The following RBFOX3 variants were observed in gnomAD, a reference collection of about 807,000 sequenced individuals.
RBFOX3 encodes RNA binding fox-1 homolog 3, also known as RNA binding protein fox-1 homolog 3.
RBFOX3 carries 17 observed loss-of-function variants against 48.7 expected under a neutral mutation model. The observed-to-expected ratio is 0.35, with a 90% confidence interval of 0.24 to 0.52. RBFOX3 has a LOEUF of 0.52. Ranked by LOEUF, RBFOX3 falls within the 20% of genes least tolerant of loss-of-function variation. RBFOX3 has a pLI of 0.94. For missense variants in RBFOX3, 382 were observed against 497.5 expected (o/e 0.77, Z 2.21); for synonymous variants, 212 against 209.5 (o/e 1.01, Z -0.10).
chr17:79,545,094 G>A (rs1277574471), intron 1 of RBFOX3, among the ~76,000 whole-genome samples: 3 of 152,086 alleles, frequency 2.0e-5, no homozygotes, highest in African/African-American at 7.2e-5. Flanking sequence ...CAGGAAGGGG[G>A]CAGACGGGGC....
intron 4 of RBFOX3, among the ~76,000 whole-genome samples, chr17:79,175,387 G>A (rs1192799796): frequency 6.6e-6 from 1 of 152,232 alleles, no homozygotes; most frequent in Non-Finnish European, 1.5e-5. Context: ...TTCCTCTGGA[G>A]TCCCTGTCAT....
chr17:79,107,971 A>G (rs2077723805), intron 5 of RBFOX3, among the ~76,000 whole-genome samples: 2 of 152,184 alleles, frequency 1.3e-5, no homozygotes, highest in East Asian at 1.9e-4. Context: ...TCAGCTGCCC[A>G]TGGGAACAGC....
At chr17:79,393,674 C>T (rs117443365) in intron 2 of RBFOX3, among the ~76,000 whole-genome samples, 11,419 of 151,942 alleles carry the variant, frequency 0.075, 556 homozygotes, top group Non-Finnish European at 0.11. Flanking sequence ...CTGAGCCTGT[C>T]GCCACACATC....
intron 4 of RBFOX3, chr17:79,183,130 C>T (rs1439337422): frequency 2.0e-5 from 3 of 148,230 alleles, no homozygotes; most frequent in Admixed American, 2.0e-4. Context: ...GCCCCGGCGC[C>T]ATGACGCGGG....
At chr17:79,371,504 G>A (rs1292683439) in intron 2 of RBFOX3, among the ~76,000 whole-genome samples, 1 of 152,118 alleles carries the variant, frequency 6.6e-6, no homozygotes, top group Non-Finnish European at 1.5e-5. Context: ...TCTATCAGGG[G>A]CTTTGGCTCC....
intron 1 of RBFOX3, among the ~76,000 whole-genome samples, chr17:79,538,442 G>C (rs2089197219): frequency 6.6e-6 from 1 of 152,226 alleles, no homozygotes; most frequent in African/African-American, 2.4e-5. Flanking sequence ...GGGCAAGTTT[G>C]GCCTTGCGGG....
At chr17:79,196,381 C>T (rs139177924) in intron 4 of RBFOX3, among the ~76,000 whole-genome samples, 140 of 152,294 alleles carry the variant, frequency 9.2e-4, no homozygotes, top group Non-Finnish European at 1.0e-3. Context: ...GGACTCTGAG[C>T]GAGCAACTAA....
At chr17:79,112,660 G>A (rs1037169773) in intron 5 of RBFOX3, among the ~76,000 whole-genome samples, 1 of 152,100 alleles carries the variant, frequency 6.6e-6, no homozygotes, top group African/African-American at 2.4e-5. Context: ...TGCCGTCTAG[G>A]GGCCGGCTCT....
intron 1 of RBFOX3, among the ~76,000 whole-genome samples, chr17:79,542,725 G>A (rs2089892273): frequency 6.6e-6 from 1 of 152,230 alleles, no homozygotes; most frequent in African/African-American, 2.4e-5. Flanking sequence ...GGAGGCTGCA[G>A]TGAGATGAGA....
rs934577549 is a variant in RBFOX3, at chr17:79,305,640, G to A, written c.-74+2084C>T. On this transcript the variant is annotated intron_variant, in intron 3 of 14. Coordinates refer to ENST00000693108, the MANE Select transcript of RBFOX3 (RefSeq NM_001350451.2). The stretch of plus-strand genomic sequence containing the variant: ...CTTTCTGCCTCTCCTTTGGCCCTGC[G>A]TCTTCCTCCCACACAGCCTGTGTGG... Among the ~76,000 whole-genome samples the A allele has an allele frequency of 4.6e-5, 7 of 152,268 alleles. 1 individual carries two copies. Among genetic ancestry groups the A allele is most frequent in the East Asian group, 1.9e-4 (1 of 5,156 alleles).
At chr17:79,420,151 A>ACACACG (rs1555721449) in intron 2 of RBFOX3, among the ~76,000 whole-genome samples, 1 of 150,858 alleles carries the variant, frequency 6.6e-6, no homozygotes, top group South Asian at 2.1e-4. Flanking sequence ...ACACACACAC[A>ACACACG]CACACACACA....
At position 79,579,672 on chromosome 17, in the gene RBFOX3, A is replaced by G. The variant is rs1184934487; in HGVS notation, c.-320+31154T>C. Among the ~76,000 whole-genome samples, 3 of 151,718 alleles carry G rather than the reference A, an allele frequency of 2.0e-5. No homozygotes were observed. The East Asian group carries it at 5.9e-4, about 30-fold the overall frequency. On this transcript the variant is annotated intron_variant, in intron 1 of 14. Coordinates refer to ENST00000693108, the MANE Select transcript of RBFOX3 (RefSeq NM_001350451.2). ...ATGTGGTCAGGTGGCTCAGGCATCC[A>G]CTGAGACTCGGCACCATGGTGGGGA... is the stretch of plus-strand genomic sequence containing the variant.
rs71387924 is a variant in RBFOX3 at position 79,391,714 on chromosome 17, G to C, written c.-174-83890C>G. Among the ~76,000 whole-genome samples, 7,951 of 152,266 alleles carry C rather than the reference G, an allele frequency of 0.052. 268 individuals are homozygous for C. Among genetic ancestry groups the C allele is most frequent in the Admixed American group, 0.077 (1,185 of 15,304 alleles). On this transcript the variant is annotated intron_variant, in intron 2 of 14. Transcript: ENST00000693108. The surrounding 1 kb of genome is among the most constrained non-coding windows in gnomAD (Gnocchi z 5.0). ...TATATGTGCGTGTGAGCGTGTGTGG[G>C]CACAGGAAAGTCTGTGTGCACGTGT...
chr17:79,537,970 G>T (rs2089104624), intron 1 of RBFOX3, among the ~76,000 whole-genome samples: 1 of 152,200 alleles, frequency 6.6e-6, no homozygotes, highest in Non-Finnish European at 1.5e-5. Flanking sequence ...AACGTGCACT[G>T]GGTGCTGTGG....
rs1003711908 is a variant in RBFOX3 at position 79,364,474 on chromosome 17, C to T, written c.-174-56650G>A. Among the ~76,000 whole-genome samples, 3 of 152,236 alleles carry T rather than the reference C, an allele frequency of 2.0e-5. No homozygotes were observed. The highest frequency in any genetic ancestry group is 2.9e-5 in the Non-Finnish European group (2 of 68,044). ...CTCTGCAGCTGGGGACAGTGCTGCT[C>T]TCCCAGGCCAAGCACGTCTCCCAGG... On this transcript the variant is annotated intron_variant, in intron 2 of 14. Coordinates refer to ENST00000693108, the MANE Select transcript of RBFOX3 (RefSeq NM_001350451.2). The surrounding 1 kb of genome is among the most constrained non-coding windows in gnomAD (Gnocchi z 5.1).
At chr17:79,096,540 G>A in intron 12 of RBFOX3, 113 bp downstream of exon 12, 1 of 936,372 alleles carries the variant, frequency 1.1e-6, no homozygotes, top group Non-Finnish European at 1.6e-6. Context: ...TGGCTTCAAG[G>A]GTGGGATGGG....
chr17:79,265,768 A>T (rs1238908507), intron 3 of RBFOX3, among the ~76,000 whole-genome samples: 2 of 152,178 alleles, frequency 1.3e-5, no homozygotes, highest in African/African-American at 4.8e-5. Context: ...GGGATTTTGC[A>T]GGTAAGCTTA....
chr17:79,319,944 T>TA (rs2078240107), intron 2 of RBFOX3, among the ~76,000 whole-genome samples: 1 of 100,460 alleles, frequency 1.0e-5, no homozygotes, highest in African/African-American at 2.9e-5. Context: ...GCTGTTGGTC[T>TA]TGTCCAGGCT....
At chr17:79,630,997 C>G in the RBFOX3 span, among the ~76,000 whole-genome samples, 1 of 152,152 alleles carries the variant, frequency 6.6e-6, no homozygotes, top group African/African-American at 2.4e-5. Context: ...TGGCCAGGGA[C>G]GGCCGTCAGA....
Sources: allele counts gnomAD v4.1 joint callset (sites outside exome capture counted in the v4.1 genomes callset), GRCh38; gene constraint gnomAD v4.1.1; non-coding constraint Gnocchi (gnomAD v3.1); transcripts MANE v1.5; gene names NCBI Gene and HGNC (gene_info 2026-07-23, HGNC 2026-07-21).